Variants in CDH7 observed in about 807,000 individuals in gnomAD.
The protein encoded by CDH7 is cadherin-7.
Under a neutral mutation model 71.8 loss-of-function variants are expected in CDH7, and 25 were observed. The ratio of observed to expected loss-of-function variants is 0.35; its 90% CI spans 0.25 to 0.49. CDH7 has a LOEUF of 0.49. Among genes scored for constraint, CDH7 ranks in the 20% least tolerant of loss-of-function variants. The pLI is 0.99. For synonymous variants in CDH7, 381 were observed against 363.8 expected (o/e 1.05, Z -0.54); for missense variants, 862 against 974.6 (o/e 0.88, Z 1.54).
chr18:65,760,048 A>G (rs1916147205), intron 1 of CDH7, among the ~76,000 whole-genome samples: 1 of 152,180 alleles, frequency 6.6e-6, no homozygotes, highest in African/African-American at 2.4e-5. Flanking sequence ...GTTGTCTAAA[A>G]CATTTGAATA....
intron 2 of CDH7, among the ~76,000 whole-genome samples, chr18:65,767,064 T>C (rs1004388348): frequency 2.0e-5 from 3 of 151,478 alleles, no homozygotes; most frequent in East Asian, 3.9e-4. Flanking sequence ...CACAGTTGCT[T>C]CCCTAGCTGT....
intron 7 of CDH7, among the ~76,000 whole-genome samples, chr18:65,857,016 T>TAA (rs5825658): frequency 2.1e-5 from 3 of 144,784 alleles, no homozygotes; most frequent in Admixed American, 1.4e-4. Context: ...GAGTAAGATT[T>TAA]AAAAAAAAAA....
At chr18:65,870,332 A>G (rs1913891390) in intron 11 of CDH7, among the ~76,000 whole-genome samples, 1 of 152,200 alleles carries the variant, frequency 6.6e-6, no homozygotes, top group Non-Finnish European at 1.5e-5. Flanking sequence ...ATTCCATAGC[A>G]CGTAAATCCA....
intron 2 of CDH7, among the ~76,000 whole-genome samples, chr18:65,770,525 T>C (rs763472320): frequency 3.3e-5 from 5 of 152,228 alleles, no homozygotes; most frequent in Non-Finnish European, 5.9e-5. Flanking sequence ...ACATTCAATG[T>C]TGAAATAAAT....
chr18:65,882,100 T>C lies in CDH7; in HGVS notation c.*1206T>C, dbSNP rs1228943649. The stretch of plus-strand genomic sequence containing the variant: ...CCTATTGAGTAAAATATTGAGTTTT[T>C]AAAAGTCTTAATATAATGTTATAAA... On this transcript the variant is annotated 3_prime_UTR_variant, in exon 12 of 12. Transcript: ENST00000397968. The C allele has an allele frequency of 6.6e-6, 1 of 152,164 alleles. No individual in the cohort carries two copies. The highest frequency in any genetic ancestry group is 1.5e-5 in the Non-Finnish European group (1 of 68,004). 9.4% of individuals were successfully genotyped at this position (152,164 alleles called of 1,614,324 possible).
Position 65,811,672 on chromosome 18 carries a change from T to G in CDH7, c.505+1674T>G, listed in dbSNP as rs1370507299. Among the ~76,000 whole-genome samples, 4 of 152,294 alleles carry G rather than the reference T, an allele frequency of 2.6e-5. No individual in the cohort carries two copies. The East Asian group carries it at 7.7e-4, about 30-fold the overall frequency. On this transcript the variant is annotated intron_variant, in intron 3 of 11. Coordinates refer to ENST00000397968, the MANE Select transcript of CDH7 (RefSeq NM_004361.5). ...AGTAACGTTTAGTAAAACAGGAATT[T>G]TCGAGATATGTTTGAGCAATTCAAT... is the stretch of plus-strand genomic sequence containing the variant.
chr18:65,850,475 A>G (rs1380552286), intron 7 of CDH7, among the ~76,000 whole-genome samples: 1 of 151,826 alleles, frequency 6.6e-6, no homozygotes, highest in Non-Finnish European at 1.5e-5. Flanking sequence ...CTCTGTAAAT[A>G]CATGTAGCGA....
rs1020531126 is a variant in CDH7, at chr18:65,883,174, A to G, written c.*2280A>G. On this transcript the variant is annotated 3_prime_UTR_variant, in exon 12 of 12. Coordinates refer to ENST00000397968, the MANE Select transcript of CDH7 (RefSeq NM_004361.5). Reference sequence around the variant, plus strand: ...TATTGCATATACCCAATTGCTATTTATGTGTGGATGATTATATGAATACAG... The same window carrying G: ...TATTGCATATACCCAATTGCTATTTGTGTGTGGATGATTATATGAATACAG... 1.1e-4 allele frequency: 17 copies of G among 152,056 alleles called. No individual in the cohort carries two copies. The highest frequency in any genetic ancestry group is 4.1e-4 in the African/African-American group (17 of 41,426). 9.4% of individuals were successfully genotyped at this position (152,056 alleles called of 1,614,324 possible). A position where few individuals can be genotyped will look rare whatever the true frequency, so the allele number is the denominator to read the frequency against.
chr18:65,824,111 C>G (rs2143941691), intron 5 of CDH7, among the ~76,000 whole-genome samples: 1 of 151,264 alleles, frequency 6.6e-6, no homozygotes, highest in South Asian at 2.1e-4. Context: ...TACATACAAC[C>G]CACACAAATC....
intron 2 of CDH7, among the ~76,000 whole-genome samples, chr18:65,796,081 A>G (rs1288570848): frequency 6.6e-6 from 1 of 152,176 alleles, no homozygotes; most frequent in African/African-American, 2.4e-5. Flanking sequence ...GTATTTCTTC[A>G]TGGCAGTGTG....
chr18:65,778,535 T>C (rs1402486070), intron 2 of CDH7, among the ~76,000 whole-genome samples: 3 of 148,448 alleles, frequency 2.0e-5, no homozygotes, highest in Non-Finnish European at 3.0e-5. Context: ...CACTCTTTTT[T>C]TTTTTTTTTT....
At chr18:65,878,037 T>C (rs2144068086) in intron 11 of CDH7, among the ~76,000 whole-genome samples, 1 of 152,248 alleles carries the variant, frequency 6.6e-6, no homozygotes, top group Admixed American at 6.5e-5. Flanking sequence ...TTGCATTTAA[T>C]TATATTTAGA....
intron 2 of CDH7, among the ~76,000 whole-genome samples, chr18:65,783,722 C>G (rs1910403662): frequency 6.6e-6 from 1 of 152,044 alleles, no homozygotes; most frequent in East Asian, 1.9e-4. Flanking sequence ...TTTTATTAGT[C>G]TAACCTTTTT....
intron 2 of CDH7, among the ~76,000 whole-genome samples, chr18:65,772,926 G>A (rs1916588213): frequency 6.6e-6 from 1 of 152,120 alleles, no homozygotes; most frequent in African/African-American, 2.4e-5. Context: ...AACAATATTC[G>A]AATGATTAAC....
At chr18:65,835,669 G>A (rs1471970122) in intron 6 of CDH7, among the ~76,000 whole-genome samples, 2 of 152,186 alleles carry the variant, frequency 1.3e-5, no homozygotes, top group Non-Finnish European at 2.9e-5. Flanking sequence ...CGTAGTAAGG[G>A]AATTGGCCTG....
intron 2 of CDH7, among the ~76,000 whole-genome samples, chr18:65,780,155 G>GT (rs1406170826): frequency 1.9e-5 from 2 of 107,938 alleles, no homozygotes; most frequent in Middle Eastern, 5.3e-3. Flanking sequence ...GGGGTTGTTT[G>GT]TTTTTTTCTT....
At chr18:65,861,791 A>T (rs1396735515) in intron 10 of CDH7, among the ~76,000 whole-genome samples, 1 of 152,044 alleles carries the variant, frequency 6.6e-6, no homozygotes, top group Non-Finnish European at 1.5e-5. Flanking sequence ...GACAGTTTGG[A>T]AGAGAGAAAA....
intron 7 of CDH7, among the ~76,000 whole-genome samples, chr18:65,847,372 C>A (rs1912970010): frequency 6.6e-6 from 1 of 152,020 alleles, no homozygotes; most frequent in African/African-American, 2.4e-5. Context: ...AACAGTGTGG[C>A]CAATGGGATG....
chr18:65,758,898 G>T (rs890801235), intron 1 of CDH7, among the ~76,000 whole-genome samples: 3 of 152,172 alleles, frequency 2.0e-5, no homozygotes, highest in Non-Finnish European at 2.9e-5. Context: ...CTACAGATAC[G>T]ATAGGGTAGA....
Sources: allele counts gnomAD v4.1 joint callset (sites outside exome capture counted in the v4.1 genomes callset), GRCh38; gene constraint gnomAD v4.1.1; transcripts MANE v1.5; gene names NCBI Gene and HGNC (gene_info 2026-07-23, HGNC 2026-07-21).